Variants in DOCK11 observed in about 807,000 individuals in gnomAD.
DOCK11 encodes dedicator of cytokinesis protein 11.
DOCK11 carries 70 observed loss-of-function variants against 169.1 expected under a neutral mutation model. That is an observed-to-expected ratio of 0.41 (90% CI 0.34 to 0.51). The LOEUF (loss-of-function observed/expected upper bound fraction) is 0.51, where lower values mean the gene tolerates loss of function less well. DOCK11 is among the 20% of genes least tolerant of loss of function. DOCK11 has a pLI of 0.10. For missense variants in DOCK11, 1,166 were observed against 1,538.8 expected, an observed-to-expected ratio of 0.76 and a Z score of 4.05; for synonymous variants, 529 against 541.3, an observed-to-expected ratio of 0.98 and a Z score of 0.32.
At chrX:118,672,375 G>A (rs1037149288) in intron 46 of DOCK11, among the ~76,000 whole-genome samples, 3 of 112,292 alleles carry the variant, frequency 2.7e-5, no homozygotes, top group Admixed American at 1.9e-4. Context: ...GGATGATTTA[G>A]GATTCAAGCC....
At chrX:118,593,090 T>C in intron 19 of DOCK11, 124 bp from the exon 20 acceptor site, 1 of 676,106 alleles carries the variant, frequency 1.5e-6, no homozygotes, top group Non-Finnish European at 2.2e-6. Context: ...TGATACCTAC[T>C]ATTTGGCCAC....
At chrX:118,501,243 G>T (rs1047788309) in intron 1 of DOCK11, among the ~76,000 whole-genome samples, 13 of 111,695 alleles carry the variant, frequency 1.2e-4, no homozygotes, top group Admixed American at 1.9e-4. Context: ...CACTTTGGGA[G>T]GCTGAGGCAG....
chrX:118,634,971 G>A (rs930295079), intron 35 of DOCK11, among the ~76,000 whole-genome samples: 1 of 111,546 alleles, frequency 9.0e-6, no homozygotes, highest in Non-Finnish European at 1.9e-5. Flanking sequence ...AGATCCACCC[G>A]CCTCGGCCTC....
intron 8 of DOCK11, 115 bp from the exon 9 acceptor site, chrX:118,566,459 C>A: frequency 1.4e-6 from 1 of 716,183 alleles, no homozygotes; most frequent in Non-Finnish European, 2.0e-6. Flanking sequence ...AATAGAAATT[C>A]TTTGCAATAA....
Position 118,599,155 on chromosome X carries a change from A to G in DOCK11, c.2489A>G (p.Lys830Arg), listed in dbSNP as rs1396162650. The G allele has an allele frequency of 5.8e-6, 7 of 1,210,666 alleles. No individual in the cohort carries two copies. The highest frequency in any genetic ancestry group is 3.0e-5 in the East Asian group (1 of 33,845). ...GTGTTCCAGGATCTGCATGTGCACA[A>G]ATTCTTCCATCATTGCCAGCTGATT... Reference protein sequence around the residue: ...TIYTQDLHVHKFFHHCQLIQS... With the variant: ...TIYTQDLHVHRFFHHCQLIQS... Residue 830 changes from lysine (K) to arginine (R), a missense_variant, in exon 23 of 53, where the codon AAA (lysine) becomes AGA (arginine). By Grantham distance (26) the Lys-to-Arg change is conservative. Transcript: ENST00000276202.
At position 118,499,209 on chromosome X, in the gene DOCK11, C is replaced by A. The variant is rs1203123326; in HGVS notation, c.102+3136C>A. Among the ~76,000 whole-genome samples, 4 of 111,667 alleles carry A rather than the reference C, an allele frequency of 3.6e-5. No homozygotes were observed. The Admixed American group carries it at 3.8e-4, about 11-fold the overall frequency. On this transcript the variant is annotated intron_variant, in intron 1 of 52. Transcript: ENST00000276202. ...TAATTCAGGATGTAGCTACTGGTGCCGCAGGGGAACAAAGGCATTTTGCTA... is the reference window on the plus strand; with the variant it reads ...TAATTCAGGATGTAGCTACTGGTGCAGCAGGGGAACAAAGGCATTTTGCTA...
intron 12 of DOCK11, among the ~76,000 whole-genome samples, chrX:118,578,087 A>T (rs2013508596): frequency 8.9e-6 from 1 of 112,388 alleles, no homozygotes; most frequent in Non-Finnish European, 1.9e-5. Context: ...GCAACAAAGG[A>T]ATGTCTTTTA....
intron 36 of DOCK11, among the ~76,000 whole-genome samples, chrX:118,637,104 T>A (rs1418752765): frequency 1.8e-5 from 2 of 112,346 alleles, no homozygotes; most frequent in Non-Finnish European, 3.8e-5. Context: ...TTACAAACTT[T>A]TACGGAAAAT....
At chrX:118,601,816 C>T (rs1472837600) in intron 23 of DOCK11, among the ~76,000 whole-genome samples, 2 of 111,255 alleles carry the variant, frequency 1.8e-5, no homozygotes, top group Non-Finnish European at 3.8e-5. Flanking sequence ...CTCACTCTGT[C>T]GCCCAGGCTG....
intron 23 of DOCK11, among the ~76,000 whole-genome samples, chrX:118,601,998 C>T (rs1045573735): frequency 6.6e-5 from 7 of 106,649 alleles, no homozygotes; most frequent in South Asian, 4.3e-4. Flanking sequence ...CCATGTTGGC[C>T]AGGCTGGTCT....
intron 18 of DOCK11, 36 bp downstream of exon 18, chrX:118,588,514 T>C (rs769575248): frequency 2.8e-6 from 3 of 1,082,416 alleles, no homozygotes; most frequent in East Asian, 6.2e-5. Context: ...ATGTTTTTAG[T>C]AGAGATGGAG....
At chrX:118,657,148 A>G (rs1017401674) in intron 44 of DOCK11, among the ~76,000 whole-genome samples, 5 of 111,448 alleles carry the variant, frequency 4.5e-5, no homozygotes, top group Admixed American at 3.8e-4. Context: ...ATTTCTTGCT[A>G]TGGTTTTTCT....
intron 1 of DOCK11, among the ~76,000 whole-genome samples, chrX:118,523,671 A>C (rs760986471): frequency 1.8e-5 from 2 of 112,223 alleles, no homozygotes; most frequent in Admixed American, 1.9e-4. Context: ...AGACACAGCC[A>C]TTTCTAGAGG....
At chrX:118,519,337 C>A (rs1603027585) in intron 1 of DOCK11, among the ~76,000 whole-genome samples, 1 of 111,851 alleles carries the variant, frequency 8.9e-6, no homozygotes, top group Non-Finnish European at 1.9e-5. Flanking sequence ...CACTTGAGGT[C>A]AGGAGTTTGA....
chrX:118,662,659 A>G (rs751370518), intron 44 of DOCK11, 27 bp from the exon 45 acceptor site: 2 of 895,774 alleles, frequency 2.2e-6, no homozygotes, highest in Non-Finnish European at 1.6e-6. Flanking sequence ...TCATAAATTC[A>G]CTCCACTGTT....
At chrX:118,537,331 A>G (rs776357606) in intron 1 of DOCK11, among the ~76,000 whole-genome samples, 2 of 111,362 alleles carry the variant, frequency 1.8e-5, no homozygotes, top group Middle Eastern at 4.7e-3. Flanking sequence ...CCAGTGTGAT[A>G]AAGGAGAGAT....
At chrX:118,515,627 T>A (rs1000324488) in intron 1 of DOCK11, among the ~76,000 whole-genome samples, 5 of 110,730 alleles carry the variant, frequency 4.5e-5, no homozygotes, top group African/African-American at 1.6e-4. Flanking sequence ...GGGGAGGCAT[T>A]TTTTCAGTCT....
At chrX:118,649,213 C>T in intron 41 of DOCK11, 86 bp downstream of exon 41, 1 of 786,561 alleles carries the variant, frequency 1.3e-6, no homozygotes, top group Non-Finnish European at 1.8e-6. Context: ...CCAATCCAGT[C>T]CAATACAATG....
chrX:118,640,801 C>CTCTTT (rs112936221), intron 38 of DOCK11, among the ~76,000 whole-genome samples: 1 of 109,652 alleles, frequency 9.1e-6, no homozygotes, highest in Non-Finnish European at 1.9e-5. Flanking sequence ...ACTGTGAGCC[C>CTCTTT]TCTTTTTTTT....
Sources: gnomAD v4.1 joint callset for allele counts (sites outside exome capture counted in the v4.1 genomes callset) on GRCh38, gnomAD v4.1.1 for gene constraint, MANE v1.5 for transcripts, NCBI Gene and HGNC (gene_info 2026-07-23, HGNC 2026-07-21) for gene names.